CNTNAP2: variants seen among roughly 807,000 people sequenced by gnomAD.
CNTNAP2 encodes contactin associated protein 2.
In CNTNAP2, 98 loss-of-function variants were observed where a neutral mutation model predicts 155.2. That is an observed-to-expected ratio of 0.63 (90% CI 0.54 to 0.75). The LOEUF (loss-of-function observed/expected upper bound fraction) is 0.75. CNTNAP2 is among the 30% of genes least tolerant of loss of function. The probability of loss-of-function intolerance (pLI) is 0.00; values close to 1 mark genes in which losing one functional copy is unlikely to be tolerated. For synonymous variants in CNTNAP2, 651 were observed against 631.2 expected (o/e 1.03, Z -0.47); for missense variants, 1,727 against 1,688.1 (o/e 1.02, Z -0.40).
intron 2 of CNTNAP2, among the ~76,000 whole-genome samples, chr7:146,780,622 C>T (rs1184280783): frequency 1.3e-5 from 2 of 151,858 alleles, no homozygotes; most frequent in African/African-American, 4.8e-5. Context: ...CAATCCAACC[C>T]AAATGGCCAC....
At position 148,349,321 on chromosome 7, in the gene CNTNAP2, GGAA is replaced by G. The variant is rs558775515; in HGVS notation, c.3476-34321_3476-34319del. On this transcript the variant is annotated intron_variant, in intron 21 of 23. Coordinates refer to ENST00000361727, the MANE Select transcript of CNTNAP2 (RefSeq NM_014141.6). ...CCTTTCGGCTTTCCTGGGCCACATTGGAAGAAGAATTGTTTTGGGCCACACGTA... is the reference window on the plus strand; with the variant it reads ...CCTTTCGGCTTTCCTGGGCCACATTGGAAGAATTGTTTTGGGCCACACGTA... Among the ~76,000 whole-genome samples the G allele has an allele frequency of 1.0e-3, 159 of 151,808 alleles. 4 individuals are homozygous for G. In the South Asian group the frequency reaches 0.032, roughly 31 times the overall value.
At chr7:146,767,463 A>C (rs1802217310) in intron 1 of CNTNAP2, among the ~76,000 whole-genome samples, 2 of 152,152 alleles carry the variant, frequency 1.3e-5, no homozygotes, top group African/African-American at 4.8e-5. Flanking sequence ...ATGTACTATG[A>C]AGAGTAATAA....
At chr7:148,330,625 G>A (rs1188651455) in intron 21 of CNTNAP2, among the ~76,000 whole-genome samples, 1 of 150,694 alleles carries the variant, frequency 6.6e-6, no homozygotes, top group Non-Finnish European at 1.5e-5. Context: ...TGGACACATG[G>A]AGTGGACGGA....
intron 20 of CNTNAP2, among the ~76,000 whole-genome samples, chr7:148,257,944 CACAG>C (rs1337235137): frequency 5.9e-4 from 88 of 149,306 alleles, no homozygotes; most frequent in Admixed American, 8.6e-4. Flanking sequence ...CACACACACA[CACAG>C]ACAGATTTAC....
rs532007536 is a variant in CNTNAP2 at position 147,696,872 on chromosome 7, G to A, written c.2098+57566G>A. On this transcript the variant is annotated intron_variant, in intron 13 of 23. Transcript: ENST00000361727. ...CATGGTCTCTGAGGAGATGTCAGAC[G>A]TAATTTTATAAGTGAAGTGTTTTTC... Among the ~76,000 whole-genome samples, 16 of 151,954 alleles carry A rather than the reference G, an allele frequency of 1.1e-4. No individual in the cohort carries two copies. The East Asian group carries it at 1.4e-3, about 13-fold the overall frequency.
chr7:148,332,643 T>G (rs985170374), intron 21 of CNTNAP2, among the ~76,000 whole-genome samples: 1 of 152,146 alleles, frequency 6.6e-6, no homozygotes, highest in African/African-American at 2.4e-5. Flanking sequence ...CCCTGCTAAG[T>G]AAGAAAAATT....
At chr7:148,171,021 A>G (rs929836913) in intron 17 of CNTNAP2, among the ~76,000 whole-genome samples, 1 of 152,198 alleles carries the variant, frequency 6.6e-6, no homozygotes, top group African/African-American at 2.4e-5. Flanking sequence ...GCTTAAGACA[A>G]TAAACCCTGT....
intron 4 of CNTNAP2, among the ~76,000 whole-genome samples, chr7:147,076,346 T>C (rs558576926): frequency 6.6e-6 from 1 of 152,202 alleles, no homozygotes; most frequent in African/African-American, 2.4e-5. Flanking sequence ...AGATGGTATC[T>C]CATTGTGGTT....
At chr7:148,208,958 C>T (rs540886506) in intron 18 of CNTNAP2, among the ~76,000 whole-genome samples, 1 of 152,238 alleles carries the variant, frequency 6.6e-6, no homozygotes, top group African/African-American at 2.4e-5. Flanking sequence ...CAGGGCCCTC[C>T]TGTCTTCTCT....
chr7:146,318,529 T>A (rs190059162), intron 1 of CNTNAP2, among the ~76,000 whole-genome samples: 1 of 152,170 alleles, frequency 6.6e-6, no homozygotes, highest in Non-Finnish European at 1.5e-5. Context: ...TAAAAAGAGA[T>A]AGTCTTTAAT....
chr7:147,338,036 A>T (rs543258342), intron 9 of CNTNAP2, among the ~76,000 whole-genome samples: 1 of 152,246 alleles, frequency 6.6e-6, no homozygotes, highest in African/African-American at 2.4e-5. Flanking sequence ...CTACTGTGTT[A>T]GTTAGTTCTC....
chr7:147,101,821 C>G (rs927525630), intron 4 of CNTNAP2, among the ~76,000 whole-genome samples: 1 of 152,090 alleles, frequency 6.6e-6, no homozygotes, highest in African/African-American at 2.4e-5. Flanking sequence ...CTCGTCTGTT[C>G]ATGGAGCCTG....
chr7:147,819,240 G>T (rs990581638), intron 13 of CNTNAP2, among the ~76,000 whole-genome samples: 3 of 152,314 alleles, frequency 2.0e-5, no homozygotes, highest in African/African-American at 7.2e-5. Context: ...AGCTCTTGAA[G>T]TTTTGCTGTA....
At chr7:147,468,638 A>T (rs1313493289) in intron 10 of CNTNAP2, among the ~76,000 whole-genome samples, 2 of 152,210 alleles carry the variant, frequency 1.3e-5, no homozygotes, top group Non-Finnish European at 2.9e-5. Context: ...CTCAAATTGT[A>T]TGACAGATTT....
intron 3 of CNTNAP2, among the ~76,000 whole-genome samples, chr7:147,009,648 A>G (rs1798589303): frequency 6.6e-6 from 1 of 152,198 alleles, no homozygotes; most frequent in Non-Finnish European, 1.5e-5. Context: ...CTTTTGTTTT[A>G]GTAGGGAAAA....
intron 15 of CNTNAP2, among the ~76,000 whole-genome samples, chr7:148,020,675 A>G (rs1002094762): frequency 1.3e-5 from 2 of 152,254 alleles, no homozygotes; most frequent in African/African-American, 4.8e-5. Context: ...TTCCTGCAAT[A>G]TATTTATGAT....
chr7:148,348,931 A>G (rs1487214527), intron 21 of CNTNAP2, among the ~76,000 whole-genome samples: 1 of 152,150 alleles, frequency 6.6e-6, no homozygotes, highest in Non-Finnish European at 1.5e-5. Flanking sequence ...CAACAATTGT[A>G]TGACCCCTCC....
chr7:147,049,360 C>T (rs763067438), intron 4 of CNTNAP2, among the ~76,000 whole-genome samples: 18 of 152,040 alleles, frequency 1.2e-4, no homozygotes, highest in Non-Finnish European at 2.2e-4. Flanking sequence ...ATATTTGTTA[C>T]GAAACACTTT....
At chr7:146,857,169 AAAT>A (rs1466362543) in intron 3 of CNTNAP2, among the ~76,000 whole-genome samples, 3 of 151,870 alleles carry the variant, frequency 2.0e-5, no homozygotes, top group African/African-American at 7.3e-5. Context: ...GGTTCAGAAA[AAAT>A]AATGTGTGTG....
Sources: allele counts gnomAD v4.1 joint callset (sites outside exome capture counted in the v4.1 genomes callset), GRCh38; gene constraint gnomAD v4.1.1; transcripts MANE v1.5; gene names NCBI Gene and HGNC (gene_info 2026-07-23, HGNC 2026-07-21).